Variants in INPP5K observed in about 807,000 individuals in gnomAD.
INPP5K encodes inositol polyphosphate 5-phosphatase K.
Under a neutral mutation model 53.5 loss-of-function variants are expected in INPP5K, and 35 were observed. The observed-to-expected ratio is 0.65, with a 90% CI of 0.50 to 0.87. INPP5K has a LOEUF of 0.87. Ranked by LOEUF, INPP5K falls within the 40% of genes least tolerant of loss-of-function variation. The pLI, the probability that INPP5K is intolerant of heterozygous loss-of-function variation, is 0.00. For synonymous variants in INPP5K, 253 were observed against 232.8 expected (o/e 1.09, Z -0.79); for missense variants, 550 against 586.2 (o/e 0.94, Z 0.64).
In INPP5K at chr17:1,507,014, T is replaced by C; in HGVS notation, c.742A>G (p.Lys248Glu). 1 of 1,613,864 alleles carries C rather than the reference T, an allele frequency of 6.2e-7. No individual in the cohort carries two copies. Among genetic ancestry groups the C allele is most frequent in the Non-Finnish European group, 8.5e-7 (1 of 1,179,906 alleles). Residue 248 changes from lysine (K) to glutamate (E), a missense_variant, in exon 7 of 12, where the codon AAG becomes GAG. Transcript: ENST00000421807. ...EGRLLFPPTY[K>E]FDRNSNDYDT... ...TAGTCGTTGGAGTTCCTATCAAACT[T>C]GTAGGTGGGCGGGAAGAGTAGGCGG...
rs1404002523 is a variant in INPP5K, at chr17:1,509,267, G to T, written c.465C>A (p.Ser155=). ...IINCHLPPHI[S]NNYQRLEHFD... The stretch of plus-strand genomic sequence containing the variant: ...AGTGCTCCAGCCGCTGGTAATTGTT[G>T]GAAATGTGGGGAGGCAGGTGGCAGT... Residue 155 remains serine, a synonymous_variant, in exon 5 of 12, where the codon TCC becomes TCA. Transcript: ENST00000421807. 1.2e-6 allele frequency: 2 copies of T among 1,613,976 alleles called. No individual in the cohort carries two copies. Among genetic ancestry groups the T allele is most frequent in the Non-Finnish European group, 1.7e-6 (2 of 1,180,024 alleles).
chr17:1,505,312 G>T (rs2075128416), intron 7 of INPP5K, among the ~76,000 whole-genome samples: 1 of 152,106 alleles, frequency 6.6e-6, no homozygotes, highest in Admixed American at 6.5e-5. Flanking sequence ...TTTTCGTAGA[G>T]ACGGGGTCTA....
At chr17:1,512,166 G>T (rs1016859528) in intron 3 of INPP5K, among the ~76,000 whole-genome samples, 1 of 152,132 alleles carries the variant, frequency 6.6e-6, no homozygotes, top group Non-Finnish European at 1.5e-5. Flanking sequence ...ATCTCAGTAG[G>T]CCACATGGGT....
intron 5 of INPP5K, chr17:1,508,971 G>A (rs1480037501): frequency 3.6e-5 from 19 of 522,876 alleles, no homozygotes; most frequent in South Asian, 1.6e-4. Flanking sequence ...GGCAGAGGGC[G>A]GGGAACAGTC....
intron 3 of INPP5K, among the ~76,000 whole-genome samples, chr17:1,511,128 G>T (rs2075297256): frequency 6.6e-6 from 1 of 152,190 alleles, no homozygotes; most frequent in Admixed American, 6.5e-5. Context: ...ATGCCAGTGG[G>T]TAAGGACACA....
At chr17:1,513,850 G>A (rs376781967) in intron 2 of INPP5K, 22 bp downstream of exon 2, 7 of 1,557,772 alleles carry the variant, frequency 4.5e-6, no homozygotes, top group Admixed American at 1.7e-5. Context: ...AGGGATGGGC[G>A]AAGGAGCCTG....
At chr17:1,514,073 A>G (rs2075373534) in intron 1 of INPP5K, 94 bp from the exon 2 acceptor site, 1 of 766,556 alleles carries the variant, frequency 1.3e-6, no homozygotes, top group East Asian at 2.9e-5. Flanking sequence ...TTGTCATCAC[A>G]GCACTTTGGG....
Position 1,509,793 on chromosome 17 carries a change from G to C in INPP5K, c.268C>G (p.His90Asp), listed in dbSNP as rs1406946726. 1 of 1,603,490 alleles carries C rather than the reference G, an allele frequency of 6.2e-7. No homozygotes were observed. The highest frequency in any genetic ancestry group is 1.3e-5 in the African/African-American group (1 of 74,616). The change falls in exon 4 of 12, where the codon CAT becomes GAT. Residue 90 changes from histidine to aspartate, a missense_variant. Coordinates refer to ENST00000421807, the MANE Select transcript of INPP5K (RefSeq NM_016532.4). ...AAGAGGATCCCCTGCATACGGACAT[G>C]GGAGACCTGCAGGAGAGAGAGGGCA... is the stretch of plus-strand genomic sequence containing the variant. ...LSPLSFIKVS[H>D]VRMQGILLLV...
chr17:1,512,746 A>G (rs961695961), intron 3 of INPP5K, among the ~76,000 whole-genome samples: 2 of 152,016 alleles, frequency 1.3e-5, no homozygotes, highest in African/African-American at 4.8e-5. Flanking sequence ...AAGCCGCCCA[A>G]AGTACCCACC....
chr17:1,495,662 G>C lies in INPP5K; in HGVS notation c.*161C>G, dbSNP rs1018420893. ...TAATTCCAGAGATGAGTAGTGGAGA[G>C]AGCAAATGAGCCTGGTTAGAGCTCA... is the stretch of plus-strand genomic sequence containing the variant. On this transcript the variant is annotated 3_prime_UTR_variant, in exon 12 of 12. Transcript: ENST00000421807. The C allele has an allele frequency of 1.1e-5, 7 of 609,374 alleles. No homozygotes were observed. Among genetic ancestry groups the C allele is most frequent in the African/African-American group, 1.1e-4 (6 of 53,826 alleles). 37.7% of individuals were successfully genotyped at this position (609,374 alleles called of 1,614,324 possible).
intron 7 of INPP5K, among the ~76,000 whole-genome samples, chr17:1,499,594 T>C (rs967928606): frequency 7.2e-5 from 11 of 152,180 alleles, no homozygotes; most frequent in African/African-American, 2.4e-4. Context: ...ACAAAATGCA[T>C]TCCTCCTCTA....
At chr17:1,497,783 G>C in intron 8 of INPP5K, 153 bp downstream of exon 8, 1 of 673,060 alleles carries the variant, frequency 1.5e-6, no homozygotes, top group Non-Finnish European at 2.6e-6. Context: ...CCTAAGAGGA[G>C]CTGGGATATC....
At chr17:1,516,402 A>C in intron 1 of INPP5K, 54 bp downstream of exon 1, 1 of 1,544,930 alleles carries the variant, frequency 6.5e-7, no homozygotes, top group South Asian at 1.2e-5. Context: ...CCCGCAGCCC[A>C]AGGGGCGCCG....
rs1326677766 is a variant in INPP5K at position 1,509,272 on chromosome 17, T to C, written c.460A>G (p.Ile154Val). 2.5e-6 allele frequency: 4 copies of C among 1,613,898 alleles called. No individual in the cohort carries two copies. The African/African-American group carries it at 5.3e-5, about 22-fold the overall frequency. The change falls in exon 5 of 12, where the codon ATT (isoleucine) becomes GTT (valine). Residue 154 changes from isoleucine to valine, a missense_variant. Coordinates refer to ENST00000421807, the MANE Select transcript of INPP5K (RefSeq NM_016532.4). ...TCCAGCCGCTGGTAATTGTTGGAAATGTGGGGAGGCAGGTGGCAGTTGATG... is the reference window on the plus strand; with the variant it reads ...TCCAGCCGCTGGTAATTGTTGGAAACGTGGGGAGGCAGGTGGCAGTTGATG... ...SIINCHLPPH[I>V]SNNYQRLEHF...
In INPP5K at chr17:1,515,737, T is replaced by A. The variant is rs564153389; in HGVS notation, c.44+719A>T. 349 of 609,310 alleles carry A rather than the reference T, an allele frequency of 5.7e-4. 8 individuals carry two copies. The South Asian group carries it at 0.023, about 40-fold the overall frequency. 37.7% of individuals were successfully genotyped at this position (609,310 alleles called of 1,614,324 possible). A position where few individuals can be genotyped will look rare whatever the true frequency, so the allele number is the denominator to read the frequency against. ...TTTAAAGCAACTTCCTGTCCCTCCCTGTTAGCATAAACAACACTATACAGA... is the reference window on the plus strand; with the variant it reads ...TTTAAAGCAACTTCCTGTCCCTCCCAGTTAGCATAAACAACACTATACAGA... On this transcript the variant is annotated intron_variant, in intron 1 of 11. Transcript: ENST00000421807.
intron 1 of INPP5K, chr17:1,515,588 G>C: frequency 1.0e-6 from 1 of 985,698 alleles, no homozygotes; most frequent in Non-Finnish European, 1.2e-6. Context: ...CTGGAGATCT[G>C]GAATGGCAGA....
At position 1,509,748 on chromosome 17, in the gene INPP5K, G is replaced by GA. The variant is rs2075262779; in HGVS notation, c.312dup (p.Gln105SerfsTer12). 8.7e-6 allele frequency: 14 copies of GA among 1,613,640 alleles called. No individual in the cohort carries two copies. The highest frequency in any genetic ancestry group is 1.1e-5 in the Non-Finnish European group (13 of 1,179,806). On this transcript the variant is annotated frameshift_variant, in exon 4 of 12. Transcript: ENST00000421807. LOFTEE classifies it high-confidence loss of function. ...AGAATCTGGATATAGGGCAAATGCT[G>GA]ATACTTGGCAAAGACCAGTAAGAGG... is the stretch of plus-strand genomic sequence containing the variant.
rs746982883 is a variant in INPP5K at position 1,496,761 on chromosome 17, C to G, written c.1006G>C (p.Glu336Gln). 3 of 1,614,172 alleles carry G rather than the reference C, an allele frequency of 1.9e-6. No homozygotes were observed. In the South Asian group the frequency reaches 3.3e-5, roughly 18 times the overall value. Residue 336 changes from glutamate to glutamine, a missense_variant, in exon 9 of 12, where the codon GAG (glutamate) becomes CAG (glutamine). Glu to Gln is a conservative substitution (Grantham distance 29). Transcript: ENST00000421807. ...VSAPLIVLMP[E>Q]DLWTVENDMM... ...TCATTTTCCACGGTCCACAGGTCCT[C>G]GGGCATCAGGACGATCAGCGGAGCA...
chr17:1,497,469 A>C, intron 8 of INPP5K, among the ~76,000 whole-genome samples: 1 of 151,454 alleles, frequency 6.6e-6, no homozygotes, highest in South Asian at 2.1e-4. Context: ...ACGAGACCCT[A>C]ACACACACAC....
Sources: allele counts gnomAD v4.1 joint callset (sites outside exome capture counted in the v4.1 genomes callset), GRCh38; gene constraint gnomAD v4.1.1; transcripts MANE v1.5; gene names NCBI Gene and HGNC (gene_info 2026-07-23, HGNC 2026-07-21).